IFI16: variants seen among roughly 807,000 people sequenced by gnomAD.
The protein encoded by IFI16 is interferon gamma inducible protein 16, also known as gamma-interferon-inducible protein 16.
Under a neutral mutation model 68.4 loss-of-function variants are expected in IFI16, and 49 were observed. The ratio of observed to expected loss-of-function variants is 0.72; its 90% CI spans 0.57 to 0.91. The LOEUF (loss-of-function observed/expected upper bound fraction) is 0.91. IFI16 is among the 40% of genes least tolerant of loss of function. IFI16 has a pLI of 0.00. For missense variants in IFI16, 878 were observed against 942.9 expected (o/e 0.93, Z 0.90); for synonymous variants, 307 against 315.0 (o/e 0.97, Z 0.27).
At position 159,020,327 on chromosome 1, in the gene IFI16, A is replaced by C; in HGVS notation, c.973-14A>C. On this transcript the variant is annotated splice_polypyrimidine_tract_variant and intron_variant, in intron 5 of 11. Transcript: ENST00000295809. ...TTACATTCTCAGGAACAGAATATTA[A>C]TTTTCTGTTACAGAAAACAGTAAAT... 1.3e-6 allele frequency: 2 copies of C among 1,578,542 alleles called. No individual in the cohort carries two copies. Among genetic ancestry groups the C allele is most frequent in the East Asian group, 4.5e-5 (2 of 44,666 alleles).
At chr1:159,043,579 TCTTATA>T (rs1654797938) in intron 7 of IFI16, among the ~76,000 whole-genome samples, 1 of 152,196 alleles carries the variant, frequency 6.6e-6, no homozygotes, top group African/African-American at 2.4e-5. Flanking sequence ...GAATCCTTGC[TCTTATA>T]CATCACAGCT....
At chr1:159,011,838 A>C (rs1441142994) in intron 1 of IFI16, among the ~76,000 whole-genome samples, 15 of 152,154 alleles carry the variant, frequency 9.9e-5, no homozygotes, top group Admixed American at 9.8e-4. Context: ...GAAAGTTGTC[A>C]CTTAACAGGT....
At chr1:159,036,545 A>G (rs1467152338) in intron 7 of IFI16, among the ~76,000 whole-genome samples, 3 of 152,250 alleles carry the variant, frequency 2.0e-5, no homozygotes, top group African/African-American at 7.2e-5. Context: ...TAATGATCAT[A>G]TACTGCTTCC....
chr1:159,017,929 C>T (rs1374713485), intron 4 of IFI16, among the ~76,000 whole-genome samples: 1 of 152,342 alleles, frequency 6.6e-6, no homozygotes, highest in African/African-American at 2.4e-5. Flanking sequence ...TAAGTTACTT[C>T]ATGACACTGG....
chr1:159,039,227 A>G (rs1250281276), intron 7 of IFI16, among the ~76,000 whole-genome samples: 1 of 152,222 alleles, frequency 6.6e-6, no homozygotes, highest in Non-Finnish European at 1.5e-5. Context: ...TGAAGGAGTT[A>G]GGATATCTAA....
intron 7 of IFI16, among the ~76,000 whole-genome samples, chr1:159,037,408 A>C (rs1316112557): frequency 6.6e-6 from 1 of 152,174 alleles, no homozygotes; most frequent in African/African-American, 2.4e-5. Flanking sequence ...GTCCTTACTC[A>C]TCATGGTTTC....
At chr1:159,007,706 GCTCT>G (rs137992616), upstream of IFI16, among the ~76,000 whole-genome samples, 2 of 150,796 alleles carry the variant, frequency 1.3e-5, no homozygotes, top group African/African-American at 4.9e-5. Flanking sequence ...ATCAGAGAGT[GCTCT>G]CTCTCTCTCT....
chr1:159,053,214 C>A (rs72709551), intron 10 of IFI16: 4 of 196,362 alleles, frequency 2.0e-5, no homozygotes, highest in Non-Finnish European at 4.1e-5. Context: ...CCAAATTAAT[C>A]AGATTTTTCT....
rs762178085 is a variant in IFI16 at position 159,051,918 on chromosome 1, T to A, written c.1905T>A (p.Tyr635Ter). The A allele has an allele frequency of 5.6e-6, 9 of 1,614,010 alleles. No homozygotes were observed. Among genetic ancestry groups the A allele is most frequent in the Non-Finnish European group, 8.5e-7 (1 of 1,179,970 alleles). The change falls in exon 10 of 12, where the codon TAT becomes TAA. Residue 635 changes from tyrosine (Y) to a stop codon, truncating the protein, a stop_gained. Transcript: ENST00000295809. LOFTEE classifies it high-confidence loss of function. ...TPKKIIAIAN[Y>*]VCRNGFLEVY... ...AGAAGATCATTGCCATAGCAAATTA[T>A]GTTTGCCGCAATGGGTTCCTGGAGG...
chr1:159,013,130 C>G (rs1652678522), intron 1 of IFI16, among the ~76,000 whole-genome samples: 1 of 148,666 alleles, frequency 6.7e-6, no homozygotes, highest in Non-Finnish European at 1.5e-5. Context: ...CCTTTTCAGT[C>G]CAAGGATCCT....
rs774624433 is a variant in IFI16, at chr1:159,016,662, A to G, written c.511A>G (p.Thr171Ala). ...TAMGRSPSPK[T>A]SLSAPPNSSS... ...CATGGGCCGTTCCCCATCTCCCAAG[A>G]CCTCATTGTCAGCTCCACCCAACAG... Residue 171 changes from threonine (T) to alanine (A), a missense_variant, in exon 4 of 12, where the codon ACC becomes GCC. Physicochemically the swap from Thr to Ala is moderately conservative, Grantham distance 58. Coordinates refer to ENST00000295809, the MANE Select transcript of IFI16 (RefSeq NM_001376587.1). The G allele has an allele frequency of 5.0e-6, 8 of 1,613,766 alleles. No individual in the cohort carries two copies. Among genetic ancestry groups the G allele is most frequent in the Non-Finnish European group, 6.8e-6 (8 of 1,179,932 alleles).
At chr1:159,005,114 C>T (rs959957194), upstream of IFI16, among the ~76,000 whole-genome samples, 3 of 152,206 alleles carry the variant, frequency 2.0e-5, no homozygotes, top group Non-Finnish European at 4.4e-5. Flanking sequence ...GGGGTGAATT[C>T]GCCCCGTTTG....
intron 2 of IFI16, 146 bp from the exon 3 acceptor site, chr1:159,015,726 A>G: frequency 1.6e-6 from 1 of 624,448 alleles, no homozygotes. Context: ...GGCTGGGCTA[A>G]TGCAGTAGAG....
intron 8 of IFI16, among the ~76,000 whole-genome samples, chr1:159,049,054 T>C (rs1437802559): frequency 2.0e-5 from 3 of 150,266 alleles, no homozygotes; most frequent in Non-Finnish European, 4.5e-5. Flanking sequence ...TGTATCTAAT[T>C]GATGAGAAAG....
intron 7 of IFI16, among the ~76,000 whole-genome samples, chr1:159,040,982 T>C (rs566126297): frequency 7.2e-4 from 109 of 152,340 alleles, no homozygotes; most frequent in South Asian, 3.3e-3. Context: ...GGCTTGGGTT[T>C]GTTTAATAGC....
At chr1:159,047,014 C>G (rs1315021017) in intron 8 of IFI16, among the ~76,000 whole-genome samples, 2 of 151,156 alleles carry the variant, frequency 1.3e-5, no homozygotes, top group Non-Finnish European at 3.0e-5. Flanking sequence ...GCCCTGATAC[C>G]TCTGTATGAC....
chr1:159,028,192 CAG>C (rs1170483255), intron 6 of IFI16, among the ~76,000 whole-genome samples: 1 of 152,174 alleles, frequency 6.6e-6, no homozygotes, highest in Non-Finnish European at 1.5e-5. Context: ...TGTTGTATCT[CAG>C]AGGTTTTATA....
At chr1:159,034,353 T>C (rs1047189088) in intron 7 of IFI16, among the ~76,000 whole-genome samples, 3 of 152,202 alleles carry the variant, frequency 2.0e-5, no homozygotes, top group Non-Finnish European at 4.4e-5. Flanking sequence ...ATTTACAAGG[T>C]ATGCGTTCAT....
At chr1:159,029,412 C>T (rs1472883797) in intron 6 of IFI16, among the ~76,000 whole-genome samples, 3 of 152,166 alleles carry the variant, frequency 2.0e-5, no homozygotes, top group Non-Finnish European at 1.5e-5. Context: ...CTTCACAGCT[C>T]TTAAAATTCT....
Sources: gnomAD v4.1 joint callset for allele counts (sites outside exome capture counted in the v4.1 genomes callset) on GRCh38, gnomAD v4.1.1 for gene constraint, MANE v1.5 for transcripts, NCBI Gene and HGNC (gene_info 2026-07-23, HGNC 2026-07-21) for gene names.